AGO3: variants seen among roughly 807,000 people sequenced by gnomAD.
AGO3 encodes the protein protein argonaute-3.
Under a neutral mutation model 105.5 loss-of-function variants are expected in AGO3, and 16 were observed. The ratio of observed to expected loss-of-function variants is 0.15; its 90% CI spans 0.10 to 0.23. The LOEUF (loss-of-function observed/expected upper bound fraction) is 0.23. AGO3 is among the 10% of genes least tolerant of loss of function. The pLI is 1.00. For synonymous variants in AGO3, 340 were observed against 367.3 expected (o/e 0.93, Z 0.85); for missense variants, 534 against 1,088.0 (o/e 0.49, Z 7.16).
chr1:36,007,211 A>G (rs1433940026), intron 6 of AGO3, among the ~76,000 whole-genome samples: 1 of 152,202 alleles, frequency 6.6e-6, no homozygotes, highest in East Asian at 1.9e-4. Flanking sequence ...GAGAAATATG[A>G]CAAAGAGTAA....
At chr1:36,035,935 AGGCAGGAGAAT>A (rs1641985442) in intron 13 of AGO3, among the ~76,000 whole-genome samples, 1 of 151,946 alleles carries the variant, frequency 6.6e-6, no homozygotes, top group South Asian at 2.1e-4. Flanking sequence ...TGGGAGGCTA[AGGCAGGAGAAT>A]GGCATGAACT....
chr1:35,996,006 T>C lies in AGO3; in HGVS notation c.659-8335T>C, dbSNP rs763438967. Among the ~76,000 whole-genome samples, 3 of 151,984 alleles carry C rather than the reference T, an allele frequency of 2.0e-5. No homozygotes were observed. In the East Asian group the frequency reaches 5.8e-4, roughly 29 times the overall value. On this transcript the variant is annotated intron_variant, in intron 5 of 18. Coordinates refer to ENST00000373191, the MANE Select transcript of AGO3 (RefSeq NM_024852.4). ...GATTTGTTAATAAATTGAAAACCAT[T>C]GCAATTAAAAGCTTCTCCTTTTGAG...
chr1:36,020,425 ACT>A (rs1641156590), intron 11 of AGO3, among the ~76,000 whole-genome samples: 2 of 151,876 alleles, frequency 1.3e-5, no homozygotes, highest in African/African-American at 2.4e-5. Flanking sequence ...TTTATATATC[ACT>A]CTGTCTCTTC....
intron 5 of AGO3, among the ~76,000 whole-genome samples, chr1:35,996,767 C>A (rs1639845251): frequency 7.5e-6 from 1 of 133,772 alleles, no homozygotes; most frequent in African/African-American, 3.0e-5. Context: ...AAAACTCCAT[C>A]TCAAAAAAAA....
At chr1:35,974,288 A>C (rs1427338831) in intron 5 of AGO3, among the ~76,000 whole-genome samples, 1 of 152,074 alleles carries the variant, frequency 6.6e-6, no homozygotes. Context: ...TCAGAATCCA[A>C]ACAAGATCCA....
chr1:35,980,022 G>T (rs753913669), intron 5 of AGO3, among the ~76,000 whole-genome samples: 1 of 152,072 alleles, frequency 6.6e-6, no homozygotes, highest in African/African-American at 2.4e-5. Context: ...GAAACTTTGA[G>T]TGTTGTGTTT....
chr1:36,045,510 C>T (rs1474977344), intron 17 of AGO3, among the ~76,000 whole-genome samples: 1 of 151,756 alleles, frequency 6.6e-6, no homozygotes, highest in Non-Finnish European at 1.5e-5. Flanking sequence ...ACATGAGCCA[C>T]CATGTCCGAC....
intron 5 of AGO3, among the ~76,000 whole-genome samples, chr1:35,981,660 A>G (rs1383234875): frequency 6.6e-6 from 1 of 152,240 alleles, no homozygotes; most frequent in Non-Finnish European, 1.5e-5. Context: ...AAGAAATTAC[A>G]AAAGAGCATG....
rs1641584734 is a variant in AGO3, at chr1:36,027,974, G to T, written c.1591+676G>T. Among the ~76,000 whole-genome samples, 1 of 152,068 alleles carries T rather than the reference G, an allele frequency of 6.6e-6. No homozygotes were observed. ...CCGGTTCTACTACCTGTGTGATTTG[G>T]CTGAATTACTTAATCACACTAGCCC... On this transcript the variant is annotated intron_variant, in intron 12 of 18. Transcript: ENST00000373191. This position sits in a 1 kb window ranked among gnomAD's most constrained non-coding sequence, Gnocchi z 4.0.
intron 5 of AGO3, among the ~76,000 whole-genome samples, chr1:35,995,274 G>A (rs1648209382): frequency 6.8e-6 from 1 of 147,498 alleles, no homozygotes; most frequent in Admixed American, 6.8e-5. Context: ...AGATTTATAT[G>A]CTGGTACAAA....
intron 5 of AGO3, among the ~76,000 whole-genome samples, chr1:35,989,425 T>G (rs971958849): frequency 6.6e-6 from 1 of 152,212 alleles, no homozygotes; most frequent in Non-Finnish European, 1.5e-5. Context: ...CACAGTTCAG[T>G]TGGCAGGTTT....
At chr1:35,942,605 T>A (rs1301908073) in intron 1 of AGO3, among the ~76,000 whole-genome samples, 1 of 152,198 alleles carries the variant, frequency 6.6e-6, no homozygotes, top group Non-Finnish European at 1.5e-5. Flanking sequence ...AATGTAATTT[T>A]TAGTTTATTC....
intron 5 of AGO3, chr1:35,973,718 C>G (rs1336035153): frequency 2.5e-6 from 1 of 401,642 alleles, no homozygotes; most frequent in Non-Finnish European, 3.9e-6. Flanking sequence ...AAACATGAAG[C>G]AAGCACATGA....
intron 1 of AGO3, among the ~76,000 whole-genome samples, chr1:35,939,058 A>G (rs1034030024): frequency 6.6e-6 from 1 of 152,232 alleles, no homozygotes; most frequent in Non-Finnish European, 1.5e-5. Flanking sequence ...GAGAAAGTCC[A>G]GATAGTGCTT....
At chr1:36,033,883 A>C (rs972952827) in intron 12 of AGO3, among the ~76,000 whole-genome samples, 1 of 152,222 alleles carries the variant, frequency 6.6e-6, no homozygotes. Context: ...GATTATGTGC[A>C]TGTTTCACTT....
intron 17 of AGO3, among the ~76,000 whole-genome samples, chr1:36,054,668 G>A (rs1025730389): frequency 1.3e-5 from 2 of 152,098 alleles, no homozygotes; most frequent in Non-Finnish European, 2.9e-5. Context: ...ATCGTTTAAG[G>A]TCAGGAGTTT....
rs1640420298 is a variant in AGO3, at chr1:36,008,071, C to T, written c.794-619C>T. ...CTTGACTCCATAAGAGGGTAGGGAT[C>T]ACCTACTTTAGGAATTATTTTGGTT... On this transcript the variant is annotated intron_variant, in intron 6 of 18. Transcript: ENST00000373191. This position sits in a 1 kb window ranked among gnomAD's most constrained non-coding sequence, Gnocchi z 5.1. Among the ~76,000 whole-genome samples, 1 of 152,192 alleles carries T rather than the reference C, an allele frequency of 6.6e-6. No homozygotes were observed. Among genetic ancestry groups the T allele is most frequent in the Non-Finnish European group, 1.5e-5 (1 of 68,036 alleles).
rs181902527 is a variant in AGO3 at position 36,071,897 on chromosome 1, T to C, written c.*16152T>C. The C allele has an allele frequency of 4.6e-5, 7 of 152,310 alleles. No homozygotes were observed. Among genetic ancestry groups the C allele is most frequent in the Non-Finnish European group, 1.0e-4 (7 of 68,032 alleles). The allele number at this position is 152,310 out of a possible 1,614,324, so 9.4% of individuals were successfully genotyped here. On this transcript the variant is annotated 3_prime_UTR_variant, in exon 19 of 19. Transcript: ENST00000373191. ...CAAGTCTATGATATATATGTAGTCA[T>C]TGTATAATTAGAAACACCAAATGCT...
chr1:35,977,489 G>A (rs191520984), intron 5 of AGO3, among the ~76,000 whole-genome samples: 2 of 150,524 alleles, frequency 1.3e-5, no homozygotes, highest in East Asian at 3.9e-4. Context: ...ACCTCCCAGG[G>A]TCAAGCGATC....
Sources: gnomAD v4.1 joint callset for allele counts (sites outside exome capture counted in the v4.1 genomes callset) on GRCh38, gnomAD v4.1.1 for gene constraint, Gnocchi (gnomAD v3.1) non-coding constraint, MANE v1.5 for transcripts, NCBI Gene and HGNC (gene_info 2026-07-23, HGNC 2026-07-21) for gene names.